Variants in GALNT10 observed in about 807,000 individuals in gnomAD.
GALNT10 encodes GalNAc transferase 10.
A neutral mutation model predicts 75.0 loss-of-function variants in GALNT10; 41 were observed. That is an observed-to-expected ratio of 0.55 (90% CI 0.43 to 0.71). The LOEUF (loss-of-function observed/expected upper bound fraction) is 0.71, where lower values mean the gene tolerates loss of function less well. GALNT10 is among the 30% of genes least tolerant of loss of function. The pLI is 0.00. For synonymous variants in GALNT10, 302 were observed against 313.0 expected, an observed-to-expected ratio of 0.96 and a Z score of 0.37; for missense variants, 727 against 818.5, an observed-to-expected ratio of 0.89 and a Z score of 1.36.
intron 4 of GALNT10, among the ~76,000 whole-genome samples, chr5:154,350,659 G>T (rs1288362257): frequency 6.6e-6 from 1 of 152,156 alleles, no homozygotes; most frequent in Non-Finnish European, 1.5e-5. Flanking sequence ...GATTTCTGTG[G>T]CGTAAAAACT....
intron 1 of GALNT10, among the ~76,000 whole-genome samples, chr5:154,275,962 C>G (rs945447243): frequency 5.9e-5 from 9 of 152,184 alleles, no homozygotes; most frequent in African/African-American, 2.2e-4. Flanking sequence ...GCACAAGGGA[C>G]AGAAGATTTC....
At chr5:154,275,539 C>A (rs149499) in intron 1 of GALNT10, among the ~76,000 whole-genome samples, 16,259 of 152,216 alleles carry the variant, frequency 0.11, 1,184 homozygotes, top group African/African-American at 0.22. Flanking sequence ...AAAAGAACAA[C>A]AGTCATTCAT....
At chr5:154,328,150 G>T (rs1289172806) in intron 3 of GALNT10, among the ~76,000 whole-genome samples, 1 of 151,968 alleles carries the variant, frequency 6.6e-6, no homozygotes, top group Admixed American at 6.6e-5. Context: ...GCTGTATGCA[G>T]TACGTGGACC....
intron 7 of GALNT10, among the ~76,000 whole-genome samples, chr5:154,391,199 CTT>C (rs1448204047): frequency 6.6e-6 from 1 of 152,218 alleles, no homozygotes; most frequent in Non-Finnish European, 1.5e-5. Flanking sequence ...CAGGTGTTCT[CTT>C]TCAGCCAGAG....
At chr5:154,236,741 A>T (rs908070685) in intron 1 of GALNT10, among the ~76,000 whole-genome samples, 6 of 152,186 alleles carry the variant, frequency 3.9e-5, no homozygotes, top group African/African-American at 1.2e-4. Context: ...TGATTCTCAT[A>T]ACAGAAACAG....
intron 1 of GALNT10, among the ~76,000 whole-genome samples, chr5:154,225,566 T>TA (rs1561634159): frequency 2.0e-5 from 3 of 151,862 alleles, no homozygotes; most frequent in African/African-American, 7.3e-5. Context: ...AATTTTTTTT[T>TA]TTATTATTTT....
chr5:154,228,836 G>T (rs1205908845), intron 1 of GALNT10, among the ~76,000 whole-genome samples: 1 of 152,228 alleles, frequency 6.6e-6, no homozygotes, highest in Admixed American at 6.5e-5. Context: ...CCCTCAAAAT[G>T]AAAGCCAGTT....
At chr5:154,369,145 T>G (rs1755523681) in intron 4 of GALNT10, among the ~76,000 whole-genome samples, 1 of 152,162 alleles carries the variant, frequency 6.6e-6, no homozygotes, top group African/African-American at 2.4e-5. Context: ...CCCAGCACTT[T>G]GGGAGGCCGA....
At chr5:154,266,494 G>C (rs184766234) in intron 1 of GALNT10, among the ~76,000 whole-genome samples, 1 of 151,470 alleles carries the variant, frequency 6.6e-6, no homozygotes, top group Non-Finnish European at 1.5e-5. Flanking sequence ...TTCCTATAGA[G>C]GATTTAAATT....
intron 7 of GALNT10, among the ~76,000 whole-genome samples, chr5:154,398,893 C>T (rs1434798956): frequency 6.6e-6 from 1 of 152,176 alleles, no homozygotes; most frequent in East Asian, 1.9e-4. Context: ...GGTGAAAAAA[C>T]TTGATGTTGT....
chr5:154,404,098 A>T lies in GALNT10; in HGVS notation c.1057-6A>T. ...GTCATCCTCTCTCTTCCTTCTTGCC[A>T]TGCAGGTGTGGATGTGTGGGGGCCG... is the stretch of plus-strand genomic sequence containing the variant. On this transcript the variant is annotated splice_region_variant and splice_polypyrimidine_tract_variant and intron_variant, in intron 7 of 11. Transcript: ENST00000297107. The T allele has an allele frequency of 6.2e-7, 1 of 1,607,716 alleles. No individual in the cohort carries two copies. Among genetic ancestry groups the T allele is most frequent in the South Asian group, 1.1e-5 (1 of 90,944 alleles).
At chr5:154,333,266 G>A (rs1228245293) in intron 4 of GALNT10, among the ~76,000 whole-genome samples, 2 of 152,186 alleles carry the variant, frequency 1.3e-5, no homozygotes, top group Admixed American at 1.3e-4. Flanking sequence ...ACTTAACCAG[G>A]AGCACACAGC....
In GALNT10 at chr5:154,286,420, G is replaced by A. The variant is rs545386182; in HGVS notation, c.160-8396G>A. On this transcript the variant is annotated intron_variant, in intron 1 of 11. Coordinates refer to ENST00000297107, the MANE Select transcript of GALNT10 (RefSeq NM_198321.4). ...TTTTTTCCCAGTGATAAAACATTTGGGCACTTATCCTGAAGAAAGTGTTGA... is the reference window on the plus strand; with the variant it reads ...TTTTTTCCCAGTGATAAAACATTTGAGCACTTATCCTGAAGAAAGTGTTGA... Among the ~76,000 whole-genome samples the A allele has an allele frequency of 2.0e-5, 3 of 150,866 alleles. No individual in the cohort carries two copies. In the East Asian group the frequency reaches 5.8e-4, roughly 29 times the overall value.
In GALNT10 at chr5:154,298,720, C is replaced by T. The variant is rs560110850; in HGVS notation, c.401+641C>T. On this transcript the variant is annotated intron_variant, in intron 3 of 11. Transcript: ENST00000297107. This position sits in a 1 kb window ranked among gnomAD's most constrained non-coding sequence, Gnocchi z 4.1. ...CCTTAGACTCCAGTTCAATCAAAAA[C>T]TATACTCTGGACCTTAAGTTATCCT... Among the ~76,000 whole-genome samples the T allele has an allele frequency of 2.0e-5, 3 of 152,328 alleles. No homozygotes were observed. The South Asian group carries it at 6.2e-4, about 32-fold the overall frequency.
chr5:154,319,649 C>T (rs966949796), intron 3 of GALNT10, among the ~76,000 whole-genome samples: 12 of 152,196 alleles, frequency 7.9e-5, no homozygotes, highest in African/African-American at 2.9e-4. Flanking sequence ...TTGCCTGGCC[C>T]ACAGTGGTAG....
chr5:154,297,803 A>C (rs59278572), intron 2 of GALNT10, 138 bp from the exon 3 acceptor site: 1 of 184,112 alleles, frequency 5.4e-6, no homozygotes, highest in Non-Finnish European at 1.2e-5. Context: ...CTTTGTACTG[A>C]GCAAAAACTG....
chr5:154,414,998 C>T (rs986769737), intron 10 of GALNT10, among the ~76,000 whole-genome samples: 1 of 152,122 alleles, frequency 6.6e-6, no homozygotes, highest in Non-Finnish European at 1.5e-5. Flanking sequence ...TGGCACACAC[C>T]TGTAATCCCA....
intron 7 of GALNT10, chr5:154,389,606 T>TTTATCAAA (rs1453909564): frequency 2.6e-5 from 4 of 151,658 alleles, no homozygotes; most frequent in Non-Finnish European, 4.4e-5. Context: ...ATCAAAAACC[T>TTTATCAAA]TTATCAAATT....
chr5:154,246,142 C>CT (rs1491434783), intron 1 of GALNT10, among the ~76,000 whole-genome samples: 2 of 120,804 alleles, frequency 1.7e-5, no homozygotes, highest in Non-Finnish European at 3.8e-5. Context: ...ATGAATTCAT[C>CT]ATTTTTTTTG....
Sources: gnomAD v4.1 joint callset for allele counts (sites outside exome capture counted in the v4.1 genomes callset) on GRCh38, gnomAD v4.1.1 for gene constraint, Gnocchi (gnomAD v3.1) non-coding constraint, MANE v1.5 for transcripts, NCBI Gene and HGNC (gene_info 2026-07-23, HGNC 2026-07-21) for gene names.